TIMM10B: variants seen among roughly 807,000 people sequenced by gnomAD.
TIMM10B encodes mitochondrial import inner membrane translocase subunit Tim10 B.
TIMM10B carries 17 observed loss-of-function variants against 12.6 expected under a neutral mutation model. The ratio of observed to expected loss-of-function variants is 1.35; its 90% CI spans 0.92 to 2.03. The LOEUF is 2.03. Ranked by LOEUF, TIMM10B falls within the 30% of genes most tolerant of loss-of-function variation. The probability of loss-of-function intolerance (pLI) is 0.00; values close to 1 mark genes in which losing one functional copy is unlikely to be tolerated. For missense variants in TIMM10B, 165 were observed against 133.3 expected (o/e 1.24, Z -1.17); for synonymous variants, 63 against 51.3 (o/e 1.23, Z -0.97).
Position 6,482,451 on chromosome 11 carries a change from T to A in TIMM10B, c.*230T>A, listed in dbSNP as rs1045911690. 3.2e-5 allele frequency: 17 copies of A among 531,074 alleles called. 1 individual carries two copies. The highest frequency in any genetic ancestry group is 5.4e-5 in the Non-Finnish European group (16 of 294,684). The allele number at this position is 531,074 out of a possible 1,614,324, so 32.9% of individuals were successfully genotyped here. A position where few individuals can be genotyped will look rare whatever the true frequency, so the allele number is the denominator to read the frequency against. ...TGGCACAATCCGTTGTTCTGTCGTT[T>A]AGTGCATATCTGCTGGCTTCAGCCC... is the stretch of plus-strand genomic sequence containing the variant. On this transcript the variant is annotated 3_prime_UTR_variant, in exon 3 of 3. Coordinates refer to ENST00000254616, the MANE Select transcript of TIMM10B (RefSeq NM_012192.4).
At position 6,482,136 on chromosome 11, in the gene TIMM10B, A is replaced by G. The variant is rs747617614; in HGVS notation, c.227A>G (p.Gln76Arg). The change falls in exon 3 of 3, where the codon CAG (glutamine) becomes CGG (arginine). Residue 76 changes from glutamine (Q) to arginine (R), a missense_variant. Gln to Arg is a conservative substitution (Grantham distance 43). Transcript: ENST00000254616. Reference protein sequence around the residue: ...AYVQLMPALVQRRIADYEAAS... With the variant: ...AYVQLMPALVRRRIADYEAAS... ...GTGCAGCTCATGCCTGCCCTGGTAC[A>G]GCGCCGCATCGCAGACTACGAGGCT... is the stretch of plus-strand genomic sequence containing the variant. 6.2e-7 allele frequency: 1 copy of G among 1,613,278 alleles called. No homozygotes were observed. The highest frequency in any genetic ancestry group is 2.2e-5 in the East Asian group (1 of 44,874).
At position 6,482,287 on chromosome 11, in the gene TIMM10B, G is replaced by C; in HGVS notation, c.*66G>C. 6.9e-7 allele frequency: 1 copy of C among 1,459,714 alleles called. No individual in the cohort carries two copies. The highest frequency in any genetic ancestry group is 2.4e-5 in the East Asian group (1 of 42,386). The allele number at this position is 1,459,714 out of a possible 1,614,324, so 90.4% of individuals were successfully genotyped here. ...CAGATTGAAGGACCCGGTGGACCTTGGGGTTGGTGAATCCTAAACAGAGAG... is the reference window on the plus strand; with the variant it reads ...CAGATTGAAGGACCCGGTGGACCTTCGGGTTGGTGAATCCTAAACAGAGAG... On this transcript the variant is annotated 3_prime_UTR_variant, in exon 3 of 3. Transcript: ENST00000254616.
In TIMM10B at chr11:6,482,056, G is replaced by A. The variant is rs1851813088; in HGVS notation, c.147G>A (p.Leu49=). ...RALDAEEEAC[L]HSCAGKLIHS... The stretch of plus-strand genomic sequence containing the variant: ...TATCTTCCTTCTAGGAGGCCTGTCT[G>A]CACAGCTGTGCTGGGAAGCTGATCC... Residue 49 remains leucine, a synonymous_variant, in exon 3 of 3, where the codon CTG becomes CTA. Transcript: ENST00000254616. 1 of 1,613,182 alleles carries A rather than the reference G, an allele frequency of 6.2e-7. No homozygotes were observed. Among genetic ancestry groups the A allele is most frequent in the Non-Finnish European group, 8.5e-7 (1 of 1,179,304 alleles).
rs1851869055 is a variant in TIMM10B at position 6,483,213 on chromosome 11, C to T, written c.*992C>T. ...GGATAAAACTAAATCTTCGGGACTT[C>T]TTTAATGCTACGTTAATGTTTCACT... On this transcript the variant is annotated 3_prime_UTR_variant, in exon 3 of 3. Coordinates refer to ENST00000254616, the MANE Select transcript of TIMM10B (RefSeq NM_012192.4). 6.6e-6 allele frequency: 1 copy of T among 152,202 alleles called. No homozygotes were observed. Among genetic ancestry groups the T allele is most frequent in the Non-Finnish European group, 1.5e-5 (1 of 68,026 alleles). 9.4% of individuals were successfully genotyped at this position (152,202 alleles called of 1,614,324 possible). A position where few individuals can be genotyped will look rare whatever the true frequency, so the allele number is the denominator to read the frequency against.
rs1589858674 is a variant in TIMM10B, at chr11:6,483,802, T to C, written c.*1581T>C. On this transcript the variant is annotated 3_prime_UTR_variant, in exon 3 of 3. Transcript: ENST00000254616. ...CCTACAAAGCAGATGTTCTATCCTA[T>C]CTACAGAGCAGAAAATTGAAATTCT... The C allele has an allele frequency of 6.6e-6, 1 of 152,196 alleles. No individual in the cohort carries two copies. The highest frequency in any genetic ancestry group is 6.5e-5 in the Admixed American group (1 of 15,284). The allele number at this position is 152,196 out of a possible 1,614,324, so 9.4% of individuals were successfully genotyped here. A position where few individuals can be genotyped will look rare whatever the true frequency, so the allele number is the denominator to read the frequency against.
In TIMM10B at chr11:6,482,318, G is replaced by C. The variant is rs1394653158; in HGVS notation, c.*97G>C. The C allele has an allele frequency of 1.6e-6, 2 of 1,213,468 alleles. No individual in the cohort carries two copies. The highest frequency in any genetic ancestry group is 2.2e-6 in the Non-Finnish European group (2 of 889,166). The allele number at this position is 1,213,468 out of a possible 1,614,324, so 75.2% of individuals were successfully genotyped here. ...GGTGAATCCTAAACAGAGAGAATTCGAGGTTGCCTGAAAGCTGGGTGTCCT... is the reference window on the plus strand; with the variant it reads ...GGTGAATCCTAAACAGAGAGAATTCCAGGTTGCCTGAAAGCTGGGTGTCCT... On this transcript the variant is annotated 3_prime_UTR_variant, in exon 3 of 3. Transcript: ENST00000254616.
At position 6,482,421 on chromosome 11, in the gene TIMM10B, T is replaced by C; in HGVS notation, c.*200T>C. 1 of 569,350 alleles carries C rather than the reference T, an allele frequency of 1.8e-6. No homozygotes were observed. Among genetic ancestry groups the C allele is most frequent in the Non-Finnish European group, 3.1e-6 (1 of 320,076 alleles). 35.3% of individuals were successfully genotyped at this position (569,350 alleles called of 1,614,324 possible). On this transcript the variant is annotated 3_prime_UTR_variant, in exon 3 of 3. Coordinates refer to ENST00000254616, the MANE Select transcript of TIMM10B (RefSeq NM_012192.4). Reference sequence around the variant, plus strand: ...TTCTGGGCAAGGAAGCTTTGCCTACTTTATTGGCACAATCCGTTGTTCTGT... The same window carrying C: ...TTCTGGGCAAGGAAGCTTTGCCTACCTTATTGGCACAATCCGTTGTTCTGT...
At chr11:6,481,714 TG>T (rs1461975004) in intron 1 of TIMM10B, 42 bp from the exon 2 acceptor site, 2 of 1,613,406 alleles carry the variant, frequency 1.2e-6, no homozygotes, top group Non-Finnish European at 1.7e-6. Context: ...ACTAGAAGTG[TG>T]GGGCCCTTAT....
Position 6,483,456 on chromosome 11 carries a change from A to G in TIMM10B, c.*1235A>G, listed in dbSNP as rs1453756829. On this transcript the variant is annotated 3_prime_UTR_variant, in exon 3 of 3. Coordinates refer to ENST00000254616, the MANE Select transcript of TIMM10B (RefSeq NM_012192.4). ...TTGCCACCATTGGCCATCTTTTTGTATCATTCCACTTATTCTGTCTTTTCC... is the reference window on the plus strand; with the variant it reads ...TTGCCACCATTGGCCATCTTTTTGTGTCATTCCACTTATTCTGTCTTTTCC... 6.6e-6 allele frequency: 1 copy of G among 151,700 alleles called. No homozygotes were observed. The highest frequency in any genetic ancestry group is 1.9e-4 in the East Asian group (1 of 5,160). The allele number at this position is 151,700 out of a possible 1,614,324, so 9.4% of individuals were successfully genotyped here.
Position 6,481,567 on chromosome 11 carries a change from C to T in TIMM10B, c.39+12C>T, listed in dbSNP as rs767029221. On this transcript the variant is annotated intron_variant, in intron 1 of 2. Coordinates refer to ENST00000254616, the MANE Select transcript of TIMM10B (RefSeq NM_012192.4). ...AGCAACTGCGAAACGTAAGTGAGAA[C>T]TAAGTCGTTTCGAGGCCAGACGTTC... 2 of 1,601,960 alleles carry T rather than the reference C, an allele frequency of 1.2e-6. No homozygotes were observed. Among genetic ancestry groups the T allele is most frequent in the Non-Finnish European group, 8.5e-7 (1 of 1,174,420 alleles).
rs748878257 is a variant in TIMM10B, at chr11:6,482,164, C to G, written c.255C>G (p.Ala85=). 20 of 1,611,646 alleles carry G rather than the reference C, an allele frequency of 1.2e-5. No individual in the cohort carries two copies. Among genetic ancestry groups the G allele is most frequent in the Middle Eastern group, 1.7e-4 (1 of 6,052 alleles). The stretch of plus-strand genomic sequence containing the variant: ...GCCGCATCGCAGACTACGAGGCTGC[C>G]TCGGCTGTGCCAGGCGTTGCTGCTG... ...VQRRIADYEA[A]SAVPGVAAEQ... The change falls in exon 3 of 3, where the codon GCC becomes GCG. Residue 85 remains alanine, a synonymous_variant. Transcript: ENST00000254616.
chr11:6,482,484 T>C lies in TIMM10B; in HGVS notation c.*263T>C. 2.3e-6 allele frequency: 1 copy of C among 432,510 alleles called. No individual in the cohort carries two copies. Among genetic ancestry groups the C allele is most frequent in the South Asian group, 4.1e-5 (1 of 24,368 alleles). The allele number at this position is 432,510 out of a possible 1,614,324, so 26.8% of individuals were successfully genotyped here. On this transcript the variant is annotated 3_prime_UTR_variant, in exon 3 of 3. Coordinates refer to ENST00000254616, the MANE Select transcript of TIMM10B (RefSeq NM_012192.4). ...ATCTGCTGGCTTCAGCCCTGGCAGC[T>C]GAGAAATTGTTTTCTATATGTAGAA...
At position 6,483,062 on chromosome 11, in the gene TIMM10B, G is replaced by A. The variant is rs1257092486; in HGVS notation, c.*841G>A. On this transcript the variant is annotated 3_prime_UTR_variant, in exon 3 of 3. Coordinates refer to ENST00000254616, the MANE Select transcript of TIMM10B (RefSeq NM_012192.4). Reference sequence around the variant, plus strand: ...TGAGCAGTAAAACCTTTGAACAAAGGTCTGTGTGGTTGTCTTCACGGGCAA... The same window carrying A: ...TGAGCAGTAAAACCTTTGAACAAAGATCTGTGTGGTTGTCTTCACGGGCAA... 1 of 152,188 alleles carries A rather than the reference G, an allele frequency of 6.6e-6. No homozygotes were observed. Among genetic ancestry groups the A allele is most frequent in the African/African-American group, 2.4e-5 (1 of 41,438 alleles). 9.4% of individuals were successfully genotyped at this position (152,188 alleles called of 1,614,324 possible). A position where few individuals can be genotyped will look rare whatever the true frequency, so the allele number is the denominator to read the frequency against.
In TIMM10B at chr11:6,482,135, C is replaced by G; in HGVS notation, c.226C>G (p.Gln76Glu). ...CGTGCAGCTCATGCCTGCCCTGGTACAGCGCCGCATCGCAGACTACGAGGC... is the reference window on the plus strand; with the variant it reads ...CGTGCAGCTCATGCCTGCCCTGGTAGAGCGCCGCATCGCAGACTACGAGGC... ...AYVQLMPALV[Q>E]RRIADYEAAS... The change falls in exon 3 of 3, where the codon CAG (glutamine) becomes GAG (glutamate). Residue 76 changes from glutamine (Q) to glutamate (E), a missense_variant. Transcript: ENST00000254616. The G allele has an allele frequency of 1.2e-6, 2 of 1,613,288 alleles. No individual in the cohort carries two copies. Among genetic ancestry groups the G allele is most frequent in the Non-Finnish European group, 1.7e-6 (2 of 1,180,030 alleles).
rs1267283371 is a variant in TIMM10B at position 6,482,158 on chromosome 11, G to C, written c.249G>C (p.Glu83Asp). 1 of 1,611,760 alleles carries C rather than the reference G, an allele frequency of 6.2e-7. No homozygotes were observed. Among genetic ancestry groups the C allele is most frequent in the Non-Finnish European group, 8.5e-7 (1 of 1,179,996 alleles). The change falls in exon 3 of 3, where the codon GAG (glutamate) becomes GAC (aspartate). Residue 83 changes from glutamate (E) to aspartate (D), a missense_variant. By Grantham distance (45) the Glu-to-Asp change is conservative (BLOSUM62 2). Coordinates refer to ENST00000254616, the MANE Select transcript of TIMM10B (RefSeq NM_012192.4). Reference protein sequence around the residue: ...ALVQRRIADYEAASAVPGVAA... With the variant: ...ALVQRRIADYDAASAVPGVAA... ...TACAGCGCCGCATCGCAGACTACGA[G>C]GCTGCCTCGGCTGTGCCAGGCGTTG...
In TIMM10B at chr11:6,484,565, ACTT is replaced by A. The variant is rs1461625737; in HGVS notation, c.*2348_*2350del. On this transcript the variant is annotated 3_prime_UTR_variant, in exon 3 of 3. Coordinates refer to ENST00000254616, the MANE Select transcript of TIMM10B (RefSeq NM_012192.4). ...ATAAATGCAAGTAAAACAGGTTTGA[ACTT>A]CTTAACTTCCAGAAGATAGGAGGAT... 6.6e-6 allele frequency: 1 copy of A among 152,174 alleles called. No homozygotes were observed. Among genetic ancestry groups the A allele is most frequent in the Non-Finnish European group, 1.5e-5 (1 of 68,036 alleles). 9.4% of individuals were successfully genotyped at this position (152,174 alleles called of 1,614,324 possible).
chr11:6,482,106 C>A lies in TIMM10B; in HGVS notation c.197C>A (p.Ala66Asp). The A allele has an allele frequency of 6.2e-7, 1 of 1,613,998 alleles. No individual in the cohort carries two copies. The highest frequency in any genetic ancestry group is 8.5e-7 in the Non-Finnish European group (1 of 1,180,044). ...LIHSNHRLMA[A>D]YVQLMPALVQ... ...CATTCCAACCACCGCCTCATGGCCG[C>A]TTACGTGCAGCTCATGCCTGCCCTG... Residue 66 changes from alanine (A) to aspartate (D), a missense_variant, in exon 3 of 3, where the codon GCT becomes GAT. Physicochemically the swap from Ala to Asp is moderately radical, Grantham distance 126. Transcript: ENST00000254616.
In TIMM10B at chr11:6,482,423, T is replaced by C. The variant is rs190745852; in HGVS notation, c.*202T>C. ...CTGGGCAAGGAAGCTTTGCCTACTT[T>C]ATTGGCACAATCCGTTGTTCTGTCG... On this transcript the variant is annotated 3_prime_UTR_variant, in exon 3 of 3. Transcript: ENST00000254616. 2.9e-4 allele frequency: 163 copies of C among 565,092 alleles called. No homozygotes were observed. Among genetic ancestry groups the C allele is most frequent in the Non-Finnish European group, 4.3e-4 (138 of 317,246 alleles). 35.0% of individuals were successfully genotyped at this position (565,092 alleles called of 1,614,324 possible).
In TIMM10B at chr11:6,482,040, T is replaced by G. The variant is rs1420062812; in HGVS notation, c.136-5T>G. 6.2e-7 allele frequency: 1 copy of G among 1,610,632 alleles called. No homozygotes were observed. The highest frequency in any genetic ancestry group is 8.5e-7 in the Non-Finnish European group (1 of 1,177,424). On this transcript the variant is annotated splice_region_variant and splice_polypyrimidine_tract_variant and intron_variant, in intron 2 of 2. Transcript: ENST00000254616. ...TCCTCCACTTAAACCCTATCTTCCT[T>G]CTAGGAGGCCTGTCTGCACAGCTGT...
Sources: allele counts gnomAD v4.1 joint callset, GRCh38; gene constraint gnomAD v4.1.1; transcripts MANE v1.5; gene names NCBI Gene and HGNC (gene_info 2026-07-23, HGNC 2026-07-21).